Variants in USP19 observed in about 807,000 individuals in gnomAD.
USP19 encodes the protein ubiquitin carboxyl-terminal hydrolase 19.
Under a neutral mutation model 144.8 loss-of-function variants are expected in USP19, and 40 were observed. That is an observed-to-expected ratio of 0.28 (90% CI 0.21 to 0.36). The LOEUF (loss-of-function observed/expected upper bound fraction) is 0.36, where lower values mean the gene tolerates loss of function less well. USP19 is among the 10% of genes least tolerant of loss of function. USP19 has a pLI of 1.00. For synonymous variants in USP19, 701 were observed against 709.3 expected (o/e 0.99, Z 0.19); for missense variants, 1,518 against 1,822.5 (o/e 0.83, Z 3.04).
In USP19 at chr3:49,119,289, A is replaced by G; in HGVS notation, c.-136-8T>C. 8.5e-7 allele frequency: 1 copy of G among 1,182,248 alleles called. No individual in the cohort carries two copies. The highest frequency in any genetic ancestry group is 1.2e-6 in the Non-Finnish European group (1 of 866,756). 73.2% of individuals were successfully genotyped at this position (1,182,248 alleles called of 1,614,324 possible). A position where few individuals can be genotyped will look rare whatever the true frequency, so the allele number is the denominator to read the frequency against. ...CAGCAAGGAACGGACAGCCTAATGG[A>G]AAGAAGCCAGTGATCACTGCCAAGA... On this transcript the variant is annotated splice_polypyrimidine_tract_variant and splice_region_variant and intron_variant, in intron 1 of 26. Coordinates refer to ENST00000417901, the MANE Select transcript of USP19 (RefSeq NM_001199161.2).
chr3:49,119,161 C>T lies in USP19; in HGVS notation c.-16G>A, dbSNP rs1346672750. The T allele has an allele frequency of 9.3e-6, 15 of 1,607,970 alleles. No individual in the cohort carries two copies. The highest frequency in any genetic ancestry group is 3.3e-5 in the South Asian group (3 of 90,690). On this transcript the variant is annotated 5_prime_UTR_variant, in exon 2 of 27. Coordinates refer to ENST00000417901, the MANE Select transcript of USP19 (RefSeq NM_001199161.2). ...CGCCAGACATCTTGAGCCGCTTGGTCGACAGCCAGAGTGCCCCGGGGTCGG... is the reference window on the plus strand; with the variant it reads ...CGCCAGACATCTTGAGCCGCTTGGTTGACAGCCAGAGTGCCCCGGGGTCGG...
chr3:49,119,334 G>C, intron 1 of USP19, 53 bp from the exon 2 acceptor site: 1 of 671,750 alleles, frequency 1.5e-6, no homozygotes, highest in Admixed American at 3.2e-5. Context: ...TTGCTCTTTA[G>C]CTACACCCAG....
rs1252040771 is a variant in USP19 at position 49,108,575 on chromosome 3, G to A, written c.4039-47C>T. On this transcript the variant is annotated intron_variant, in intron 26 of 26. Coordinates refer to ENST00000417901, the MANE Select transcript of USP19 (RefSeq NM_001199161.2). The surrounding 1 kb of genome is among the most constrained non-coding windows in gnomAD (Gnocchi z 4.8). ...GGGGTTGGGGGCTGCCCAGCATGCC[G>A]CCTGGCATCCCGGGGGTGCTGGCTT... 1.6e-5 allele frequency: 20 copies of A among 1,249,308 alleles called. No individual in the cohort carries two copies. The highest frequency in any genetic ancestry group is 3.9e-5 in the Admixed American group (1 of 25,804). 77.4% of individuals were successfully genotyped at this position (1,249,308 alleles called of 1,614,324 possible).
In USP19 at chr3:49,116,688, A is replaced by G. The variant is rs2044200826; in HGVS notation, c.1126+39T>C. 6.2e-7 allele frequency: 1 copy of G among 1,607,024 alleles called. No individual in the cohort carries two copies. Among genetic ancestry groups the G allele is most frequent in the Non-Finnish European group, 8.5e-7 (1 of 1,175,688 alleles). ...TCTCTATCCACCTACAAACTTTGCA[A>G]CCCAACCTAGGGCTCTGCCTGCCCA... On this transcript the variant is annotated intron_variant, in intron 7 of 26. Transcript: ENST00000417901. The surrounding 1 kb of genome is among the most constrained non-coding windows in gnomAD (Gnocchi z 5.0).
Position 49,116,566 on chromosome 3 carries a change from A to G in USP19, c.1168T>C (p.Ser390Pro), listed in dbSNP as rs2044170120. ...ACTGAATCCGGGCCCTTCTCATACGAGTCATTCTTGACAAACGCCAGGTTC... is the reference window on the plus strand; with the variant it reads ...ACTGAATCCGGGCCCTTCTCATACGGGTCATTCTTGACAAACGCCAGGTTC... ...MVNLAFVKND[S>P]YEKGPDSVVV... is the part of the protein sequence containing the mutation. Residue 390 changes from serine (S) to proline (P), a missense_variant, in exon 8 of 27, where the codon TCG becomes CCG. Around this residue, in one of 5 missense-constraint regions of USP19, gnomAD observed 707 missense variants for 728.9 expected, o/e 0.97. Transcript: ENST00000417901. The surrounding 1 kb of genome is among the most constrained non-coding windows in gnomAD (Gnocchi z 5.0). The G allele has an allele frequency of 1.2e-6, 2 of 1,614,030 alleles. No individual in the cohort carries two copies. Among genetic ancestry groups the G allele is most frequent in the Admixed American group, 1.7e-5 (1 of 59,986 alleles).
rs2044298941 is a variant in USP19, at chr3:49,117,191, G to A, written c.777C>T (p.Gly259=). The A allele has an allele frequency of 1.9e-6, 3 of 1,547,696 alleles. No homozygotes were observed. The highest frequency in any genetic ancestry group is 4.9e-5 in the East Asian group (2 of 40,894). The change falls in exon 6 of 27, where the codon GGC becomes GGT. Residue 259 remains glycine, a synonymous_variant. Coordinates refer to ENST00000417901, the MANE Select transcript of USP19 (RefSeq NM_001199161.2). The surrounding 1 kb of genome is among the most constrained non-coding windows in gnomAD (Gnocchi z 4.4). The part of the protein sequence containing the change: ...QGRGEVGAGA[G]PGAQAGPSAK... ...CGCTGGGCCCTGCCTGGGCCCCGGG[G>A]CCAGCCCCTGCGCCTACCTCACCAC...
rs1434358331 is a variant in USP19 at position 49,112,455 on chromosome 3, A to G, written c.2646+34T>C. The G allele has an allele frequency of 2.5e-6, 4 of 1,613,846 alleles. No homozygotes were observed. The South Asian group carries it at 4.4e-5, about 18-fold the overall frequency. ...ACCAGGAAGAAGTGCCCCACCCACC[A>G]GGGCGCTGTGCCATCAGGTTGGCCC... On this transcript the variant is annotated intron_variant, in intron 18 of 26. Coordinates refer to ENST00000417901, the MANE Select transcript of USP19 (RefSeq NM_001199161.2). This position sits in a 1 kb window ranked among gnomAD's most constrained non-coding sequence, Gnocchi z 4.9.
Position 49,108,463 on chromosome 3 carries a change from G to T in USP19, c.4104C>A (p.Pro1368=), listed in dbSNP as rs1236080807. 9 of 1,355,968 alleles carry T rather than the reference G, an allele frequency of 6.6e-6. No homozygotes were observed. Among genetic ancestry groups the T allele is most frequent in the East Asian group, 3.1e-5 (1 of 32,110 alleles). 84.0% of individuals were successfully genotyped at this position (1,355,968 alleles called of 1,614,324 possible). Residue 1368 remains proline (P), a synonymous_variant, in exon 27 of 27, where the codon CCC becomes CCA. Transcript: ENST00000417901. The surrounding 1 kb of genome is among the most constrained non-coding windows in gnomAD (Gnocchi z 4.8). The stretch of plus-strand genomic sequence containing the variant: ...AGGTGGGGGCTGGCCGATCCACAGG[G>T]GGGGCGAAGCGTTCAGGGGCTGTCC... The part of the protein sequence containing the change: ...PTRTAPERFA[P]PVDRPAPTYS...
At position 49,110,695 on chromosome 3, in the gene USP19, A is replaced by G. The variant is rs1407984625; in HGVS notation, c.3698+16T>C. 6.2e-7 allele frequency: 1 copy of G among 1,613,050 alleles called. No homozygotes were observed. The highest frequency in any genetic ancestry group is 8.5e-7 in the Non-Finnish European group (1 of 1,179,308). On this transcript the variant is annotated intron_variant, in intron 24 of 26. Coordinates refer to ENST00000417901, the MANE Select transcript of USP19 (RefSeq NM_001199161.2). This position sits in a 1 kb window ranked among gnomAD's most constrained non-coding sequence, Gnocchi z 6.1. ...TCCTCACACCCCACCCACAGTTACC[A>G]AGGTCCACTGCTTACCTAACAGGGA...
At position 49,117,167 on chromosome 3, in the gene USP19, G is replaced by A. The variant is rs1247452814; in HGVS notation, c.801C>T (p.Ser267=). 3 of 1,548,246 alleles carry A rather than the reference G, an allele frequency of 1.9e-6. No individual in the cohort carries two copies. Among genetic ancestry groups the A allele is most frequent in the Admixed American group, 2.0e-5 (1 of 51,002 alleles). ...GAGPGAQAGP[S]AKRAVHLCRG... is the part of the protein sequence containing the mutation. The stretch of plus-strand genomic sequence containing the variant: ...TGCAGAGATGCACAGCCCTCTTGGC[G>A]CTGGGCCCTGCCTGGGCCCCGGGGC... The change falls in exon 6 of 27, where the codon AGC becomes AGT. Residue 267 remains serine (S), a synonymous_variant. Coordinates refer to ENST00000417901, the MANE Select transcript of USP19 (RefSeq NM_001199161.2). The surrounding 1 kb of genome is among the most constrained non-coding windows in gnomAD (Gnocchi z 4.4).
rs915641021 is a variant in USP19, at chr3:49,108,854, G to A, written c.4039-326C>T. ...ACCTCCCCACCCTCTCCCACCAGAT[G>A]CATAAGCTGAGGCCCAAAGCCCAGA... is the stretch of plus-strand genomic sequence containing the variant. On this transcript the variant is annotated intron_variant, in intron 26 of 26. Transcript: ENST00000417901. The surrounding 1 kb of genome is among the most constrained non-coding windows in gnomAD (Gnocchi z 4.8). The A allele has an allele frequency of 1.4e-6, 2 of 1,466,178 alleles. No individual in the cohort carries two copies. Among genetic ancestry groups the A allele is most frequent in the Non-Finnish European group, 9.0e-7 (1 of 1,107,242 alleles). 90.8% of individuals were successfully genotyped at this position (1,466,178 alleles called of 1,614,324 possible). A position where few individuals can be genotyped will look rare whatever the true frequency, so the allele number is the denominator to read the frequency against.
In USP19 at chr3:49,119,300, T is replaced by A. The variant is rs1372502009; in HGVS notation, c.-136-19A>T. 9.7e-7 allele frequency: 1 copy of A among 1,036,114 alleles called. No individual in the cohort carries two copies. The highest frequency in any genetic ancestry group is 1.4e-6 in the Non-Finnish European group (1 of 735,294). 64.2% of individuals were successfully genotyped at this position (1,036,114 alleles called of 1,614,324 possible). On this transcript the variant is annotated intron_variant, in intron 1 of 26. Transcript: ENST00000417901. ...GGACAGCCTAATGGAAAGAAGCCAG[T>A]GATCACTGCCAAGACCCAACAACTT...
rs1413458548 is a variant in USP19 at position 49,114,389 on chromosome 3, C to A, written c.2293-105G>T. ...GGCTTCTGATGGCTCTCAGGGCCCCCACAGCCAACCAGCAAACTCTCAGGC... is the reference window on the plus strand; with the variant it reads ...GGCTTCTGATGGCTCTCAGGGCCCCAACAGCCAACCAGCAAACTCTCAGGC... On this transcript the variant is annotated intron_variant, in intron 15 of 26. Transcript: ENST00000417901. This position sits in a 1 kb window ranked among gnomAD's most constrained non-coding sequence, Gnocchi z 4.5. 12 of 1,029,186 alleles carry A rather than the reference C, an allele frequency of 1.2e-5. No homozygotes were observed. The highest frequency in any genetic ancestry group is 1.7e-5 in the Non-Finnish European group (12 of 694,940). 63.8% of individuals were successfully genotyped at this position (1,029,186 alleles called of 1,614,324 possible). A position where few individuals can be genotyped will look rare whatever the true frequency, so the allele number is the denominator to read the frequency against.
chr3:49,110,818 C>A lies in USP19; in HGVS notation c.3591G>T (p.Leu1197=). 1 of 1,614,240 alleles carries A rather than the reference C, an allele frequency of 6.2e-7. No homozygotes were observed. Residue 1197 remains leucine, a synonymous_variant, in exon 24 of 27, where the codon CTG becomes CTT. Transcript: ENST00000417901. This position sits in a 1 kb window ranked among gnomAD's most constrained non-coding sequence, Gnocchi z 6.1. ...CKQHREASKQ[L]LLWRLPNVLI... is the part of the protein sequence containing the mutation. ...GAACATTTGGCAGGCGCCATAGCAA[C>A]AGCTGCTTGGAGGCCTCACGGTGCT... is the stretch of plus-strand genomic sequence containing the variant.
At position 49,117,962 on chromosome 3, in the gene USP19, C is replaced by T. The variant is rs1348350825; in HGVS notation, c.283G>A (p.Glu95Lys). 5 of 1,612,638 alleles carry T rather than the reference C, an allele frequency of 3.1e-6. No individual in the cohort carries two copies. The Admixed American group carries it at 5.0e-5, about 16-fold the overall frequency. The part of the protein sequence containing the change: ...SSGSASTPQE[E>K]QTKEGACEDP... ...CGTTACTGACCCTCTTTGGTCTGCT[C>T]CTCTTGAGGAGTGGATGCTGACCCT... Residue 95 changes from glutamate (E) to lysine (K), a missense_variant, in exon 3 of 27, where the codon GAG (glutamate) becomes AAG (lysine). Physicochemically the swap from Glu to Lys is moderately conservative, Grantham distance 56 (BLOSUM62 1). Transcript: ENST00000417901. This position sits in a 1 kb window ranked among gnomAD's most constrained non-coding sequence, Gnocchi z 4.4.
intron 17 of USP19, 125 bp downstream of exon 17, chr3:49,113,864 GACT>G: frequency 9.9e-7 from 1 of 1,006,390 alleles, no homozygotes. Context: ...AAAGTGCTGG[GACT>G]ACAGGCATGA....
chr3:49,114,626 A>G lies in USP19; in HGVS notation c.2292+137T>C, dbSNP rs2043780911. On this transcript the variant is annotated intron_variant, in intron 15 of 26. Transcript: ENST00000417901. This position sits in a 1 kb window ranked among gnomAD's most constrained non-coding sequence, Gnocchi z 4.5. ...GAGTGGGCTCTTCAGCCCAAATAGAATCCTAAGGCCTCCCTGCCAGCTTCT... is the reference window on the plus strand; with the variant it reads ...GAGTGGGCTCTTCAGCCCAAATAGAGTCCTAAGGCCTCCCTGCCAGCTTCT... The G allele has an allele frequency of 1.1e-6, 1 of 920,386 alleles. No homozygotes were observed. Among genetic ancestry groups the G allele is most frequent in the African/African-American group, 1.7e-5 (1 of 59,962 alleles). 57.0% of individuals were successfully genotyped at this position (920,386 alleles called of 1,614,324 possible). A position where few individuals can be genotyped will look rare whatever the true frequency, so the allele number is the denominator to read the frequency against.
In USP19 at chr3:49,111,848, A is replaced by G. The variant is rs780095124; in HGVS notation, c.2904-35T>C. ...GAGAACAACGCAAGTAAGACTCCTG[A>G]CCAGCCCATCTAGCACCTCTGCCCC... On this transcript the variant is annotated intron_variant, in intron 20 of 26. Coordinates refer to ENST00000417901, the MANE Select transcript of USP19 (RefSeq NM_001199161.2). This position sits in a 1 kb window ranked among gnomAD's most constrained non-coding sequence, Gnocchi z 5.9. 10 of 1,596,394 alleles carry G rather than the reference A, an allele frequency of 6.3e-6. No individual in the cohort carries two copies. Among genetic ancestry groups the G allele is most frequent in the Non-Finnish European group, 8.5e-6 (10 of 1,169,832 alleles).
Position 49,119,031 on chromosome 3 carries a change from G to C in USP19, c.115C>G (p.Pro39Ala). ...GGAATGCCACTCCCACCTTTCCTAGGATCTCCATCCTTGCTCTCCTGGTTT... is the reference window on the plus strand; with the variant it reads ...GGAATGCCACTCCCACCTTTCCTAGCATCTCCATCCTTGCTCTCCTGGTTT... ...RANQESKDGDPRKETGSRYVA... is the reference protein window; with the variant it reads ...RANQESKDGDARKETGSRYVA... The change falls in exon 2 of 27, where the codon CCT becomes GCT. Residue 39 changes from proline (P) to alanine (A), a missense_variant. Pro to Ala is a conservative substitution (Grantham distance 27, BLOSUM62 -1). Around this residue, in one of 5 missense-constraint regions of USP19, gnomAD observed 707 missense variants for 728.9 expected, o/e 0.97. Transcript: ENST00000417901. 1 of 1,614,088 alleles carries C rather than the reference G, an allele frequency of 6.2e-7. No individual in the cohort carries two copies. The highest frequency in any genetic ancestry group is 8.5e-7 in the Non-Finnish European group (1 of 1,179,978).
Sources: gnomAD v4.1 joint callset for allele counts on GRCh38, gnomAD v4.1.1 for gene constraint, gnomAD v4.1.1 regional missense constraint, Gnocchi (gnomAD v3.1) non-coding constraint, MANE v1.5 for transcripts, NCBI Gene and HGNC (gene_info 2026-07-23, HGNC 2026-07-21) for gene names.